SLC39A5: variants seen among roughly 807,000 people sequenced by gnomAD.
SLC39A5 encodes the protein zinc transporter ZIP5.
A neutral mutation model predicts 46.9 loss-of-function variants in SLC39A5; 42 were observed. The observed-to-expected ratio is 0.90, with a 90% CI of 0.70 to 1.16. The LOEUF is 1.16. Among genes scored for constraint, SLC39A5 ranks in the 50% most tolerant of loss-of-function variants. SLC39A5 has a pLI of 0.00. For missense variants in SLC39A5, 677 were observed against 686.8 expected (o/e 0.99, Z 0.16); for synonymous variants, 311 against 323.1 (o/e 0.96, Z 0.40).
In SLC39A5 at chr12:56,237,690, C is replaced by A; in HGVS notation, c.1582C>A (p.Leu528Met). The A allele has an allele frequency of 1.3e-6, 2 of 1,596,716 alleles. No individual in the cohort carries two copies. Among genetic ancestry groups the A allele is most frequent in the African/African-American group, 1.3e-5 (1 of 74,294 alleles). ...LGGGLMLAITLLEERLLPVTT... is the reference protein window; with the variant it reads ...LGGGLMLAITMLEERLLPVTT... ...GGGCGGCCTCATGCTTGCCATAACC[C>A]TGCTGGAGGAGCGGCTACTGCCCGT... Residue 528 changes from leucine to methionine, a missense_variant, in exon 13 of 13, where the codon CTG (leucine) becomes ATG (methionine). By Grantham distance (15) the Leu-to-Met change is conservative. Coordinates refer to ENST00000454355, the MANE Select transcript of SLC39A5 (RefSeq NM_173596.3).
In SLC39A5 at chr12:56,232,946, TTTTTG is replaced by T. The variant is rs914363592; in HGVS notation, c.471+89_471+93del. On this transcript the variant is annotated intron_variant, in intron 5 of 12. Transcript: ENST00000454355. ...CTGAAATGTTTAAATAATCAGTAGT[TTTTTG>T]TTTTGTTTTGTTTTTAAATCCCAAC... is the stretch of plus-strand genomic sequence containing the variant. 7.4e-6 allele frequency: 11 copies of T among 1,480,020 alleles called. No individual in the cohort carries two copies. In the East Asian group the frequency reaches 9.7e-5, roughly 13 times the overall value. 91.7% of individuals were successfully genotyped at this position (1,480,020 alleles called of 1,614,324 possible). A position where few individuals can be genotyped will look rare whatever the true frequency, so the allele number is the denominator to read the frequency against.
Position 56,235,255 on chromosome 12 carries a change from T to C in SLC39A5, c.733T>C (p.Leu245=). 1 of 1,578,178 alleles carries C rather than the reference T, an allele frequency of 6.3e-7. No individual in the cohort carries two copies. Among genetic ancestry groups the C allele is most frequent in the Non-Finnish European group, 8.6e-7 (1 of 1,164,930 alleles). Residue 245 remains leucine, a synonymous_variant, in exon 7 of 13, where the codon TTG becomes CTG. Coordinates refer to ENST00000454355, the MANE Select transcript of SLC39A5 (RefSeq NM_173596.3). ...CCTGGGACCTCGTCTACTACGGCCCTTGCTGGGCTTCCTGGGGGCCCTGGC... is the reference window on the plus strand; with the variant it reads ...CCTGGGACCTCGTCTACTACGGCCCCTGCTGGGCTTCCTGGGGGCCCTGGC... ...RLLGPRLLRP[L]LGFLGALAVG...
intron 5 of SLC39A5, among the ~76,000 whole-genome samples, chr12:56,234,582 T>G (rs1188724072): frequency 6.6e-6 from 1 of 152,138 alleles, no homozygotes; most frequent in Non-Finnish European, 1.5e-5. Context: ...CCCAAAGTGC[T>G]GGGATTACAG....
Position 56,236,500 on chromosome 12 carries a change from G to T in SLC39A5, c.1042+8G>T, listed in dbSNP as rs996843700. On this transcript the variant is annotated splice_region_variant and intron_variant, in intron 9 of 12. Coordinates refer to ENST00000454355, the MANE Select transcript of SLC39A5 (RefSeq NM_173596.3). Reference sequence around the variant, plus strand: ...CCCTACAGGCAGCTCCAGGTGACTAGAGGAGAAAATTTGAAGAGTAGGTTC... The same window carrying T: ...CCCTACAGGCAGCTCCAGGTGACTATAGGAGAAAATTTGAAGAGTAGGTTC... 3.1e-6 allele frequency: 5 copies of T among 1,614,114 alleles called. No individual in the cohort carries two copies. The Admixed American group carries it at 8.3e-5, about 27-fold the overall frequency.
intron 2 of SLC39A5, 97 bp from the exon 3 acceptor site, chr12:56,230,733 GA>G (rs931501443): frequency 2.6e-5 from 4 of 152,830 alleles, no homozygotes; most frequent in African/African-American, 9.6e-5. Flanking sequence ...GGTGGGCTAG[GA>G]GGGGGTGCAT....
chr12:56,235,686 C>G lies in SLC39A5; in HGVS notation c.931C>G (p.Arg311Gly). The G allele has an allele frequency of 1.2e-6, 2 of 1,614,008 alleles. No individual in the cohort carries two copies. The highest frequency in any genetic ancestry group is 1.7e-6 in the Non-Finnish European group (2 of 1,180,016). ...GAACATGCTGGGGCTTTTGCGGCAC[C>G]GAGGGCTCAGGCCAGTGAGTGATAC... ...LENMLGLLRH[R>G]GLRPRCCRRK... Residue 311 changes from arginine (R) to glycine (G), a missense_variant, in exon 8 of 13, where the codon CGA (arginine) becomes GGA (glycine). By Grantham distance (125) the Arg-to-Gly change is moderately radical. Transcript: ENST00000454355.
At chr12:56,235,423 C>T in intron 7 of SLC39A5, 97 bp downstream of exon 7, 1 of 1,507,202 alleles carries the variant, frequency 6.6e-7, no homozygotes, top group Non-Finnish European at 8.8e-7. Flanking sequence ...GCTCCCATAT[C>T]CTACTCCCAG....
rs767837807 is a variant in SLC39A5, at chr12:56,234,927, T to A, written c.575T>A (p.Ile192Asn). ...CTGTGCCCAGCCCTGCTTTATCAGA[T>A]CGACAGCCGCGTCTGCATCGGCGCT... The part of the protein sequence containing the change: ...ALLCPALLYQ[I>N]DSRVCIGAPA... Residue 192 changes from isoleucine (I) to asparagine (N), a missense_variant, in exon 6 of 13, where the codon ATC becomes AAC. Transcript: ENST00000454355. The A allele has an allele frequency of 2.5e-6, 4 of 1,613,706 alleles. No homozygotes were observed. Among genetic ancestry groups the A allele is most frequent in the Non-Finnish European group, 3.4e-6 (4 of 1,179,996 alleles).
Position 56,235,266 on chromosome 12 carries a change from C to T in SLC39A5, c.744C>T (p.Phe248=). The part of the protein sequence containing the change: ...GPRLLRPLLG[F]LGALAVGTLC... ...GTCTACTACGGCCCTTGCTGGGCTTCCTGGGGGCCCTGGCGGTGGGCACTC... is the reference window on the plus strand; with the variant it reads ...GTCTACTACGGCCCTTGCTGGGCTTTCTGGGGGCCCTGGCGGTGGGCACTC... The change falls in exon 7 of 13, where the codon TTC becomes TTT. Residue 248 remains phenylalanine, a synonymous_variant. Transcript: ENST00000454355. 1.3e-6 allele frequency: 2 copies of T among 1,565,986 alleles called. No individual in the cohort carries two copies. Among genetic ancestry groups the T allele is most frequent in the Non-Finnish European group, 1.7e-6 (2 of 1,160,842 alleles).
chr12:56,236,340 C>T, intron 8 of SLC39A5, 56 bp from the exon 9 acceptor site: 3 of 1,536,012 alleles, frequency 2.0e-6, no homozygotes, highest in Non-Finnish European at 2.7e-6. Context: ...CCTGGCTTCC[C>T]CTTAGTCCCT....
At chr12:56,232,209 A>G (rs1592373910) in intron 4 of SLC39A5, among the ~76,000 whole-genome samples, 1 of 122,198 alleles carries the variant, frequency 8.2e-6, no homozygotes, top group Non-Finnish European at 1.6e-5. Flanking sequence ...TCTGTCGCCC[A>G]GGCTGGAGTG....
rs761841382 is a variant in SLC39A5, at chr12:56,235,517, G to A, written c.805-43G>A. 3.1e-6 allele frequency: 5 copies of A among 1,603,434 alleles called. No individual in the cohort carries two copies. The Admixed American group carries it at 7.0e-5, about 22-fold the overall frequency. The stretch of plus-strand genomic sequence containing the variant: ...AATCCATGCAAGGGGATGTTGTTGG[G>A]TATAGGGGCTTCCAGAGTCTGCCCT... On this transcript the variant is annotated intron_variant, in intron 7 of 12. Transcript: ENST00000454355.
At chr12:56,234,655 T>G (rs900562697) in intron 5 of SLC39A5, among the ~76,000 whole-genome samples, 169 bp from the exon 6 acceptor site, 20 of 152,090 alleles carry the variant, frequency 1.3e-4, no homozygotes, top group African/African-American at 4.8e-4. Flanking sequence ...GAGACAGGGT[T>G]TCACTATGTT....
chr12:56,237,277 C>T lies in SLC39A5; in HGVS notation c.1416C>T (p.Pro472=). Residue 472 remains proline, a synonymous_variant, in exon 12 of 13, where the codon CCC becomes CCT. Coordinates refer to ENST00000454355, the MANE Select transcript of SLC39A5 (RefSeq NM_173596.3). ...TGGGGCTCAGCCTGGGCCCTGTCCC[C>T]CTCACTCCCTGGGTGTTTGGGGTCA... The part of the protein sequence containing the change: ...LGVGLSLGPV[P]LTPWVFGVTA... The T allele has an allele frequency of 6.2e-7, 1 of 1,613,450 alleles. No individual in the cohort carries two copies. The highest frequency in any genetic ancestry group is 1.3e-5 in the African/African-American group (1 of 74,998).
At position 56,234,877 on chromosome 12, in the gene SLC39A5, T is replaced by C. The variant is rs1461215138; in HGVS notation, c.525T>C (p.Pro175=). ...ATTTTGGCTTGAGCCCCGCTGCTCC[T>C]CTGACCCCTCGTCAGTTTGCTCTGC... ...LVNFGLSPAA[P]LTPRQFALLC... The change falls in exon 6 of 13, where the codon CCT becomes CCC. Residue 175 remains proline, a synonymous_variant. Transcript: ENST00000454355. 4 of 1,613,770 alleles carry C rather than the reference T, an allele frequency of 2.5e-6. No homozygotes were observed. Among genetic ancestry groups the C allele is most frequent in the Non-Finnish European group, 3.4e-6 (4 of 1,180,030 alleles).
chr12:56,230,197 C>T (rs1270353194), intron 1 of SLC39A5, 43 bp from the exon 2 acceptor site: 3 of 152,802 alleles, frequency 2.0e-5, no homozygotes, highest in African/African-American at 7.2e-5. Context: ...CCAGGTCAGA[C>T]ATCAGAGGAG....
At position 56,236,957 on chromosome 12, in the gene SLC39A5, A is replaced by G; in HGVS notation, c.1234A>G (p.Ser412Gly). Reference sequence around the variant, plus strand: ...TGCTGCCTTCTCTGATGGCTTCTCCAGCGGCCTCAGTACCACCTTAGCGGT... The same window carrying G: ...TGCTGCCTTCTCTGATGGCTTCTCCGGCGGCCTCAGTACCACCTTAGCGGT... ...IGAAFSDGFSSGLSTTLAVFC... is the reference protein window; with the variant it reads ...IGAAFSDGFSGGLSTTLAVFC... The change falls in exon 11 of 13, where the codon AGC becomes GGC. Residue 412 changes from serine to glycine, a missense_variant. Coordinates refer to ENST00000454355, the MANE Select transcript of SLC39A5 (RefSeq NM_173596.3). The G allele has an allele frequency of 1.2e-6, 2 of 1,614,104 alleles. No homozygotes were observed.
In SLC39A5 at chr12:56,237,031, G is replaced by T; in HGVS notation, c.1288+20G>T. On this transcript the variant is annotated intron_variant, in intron 11 of 12. Coordinates refer to ENST00000454355, the MANE Select transcript of SLC39A5 (RefSeq NM_173596.3). ...AACTGGGTAGGAATGGCAGGAGCAG[G>T]GTGGGGTGGACTCCAGAAAGGAGAT... 1 of 1,613,988 alleles carries T rather than the reference G, an allele frequency of 6.2e-7. No homozygotes were observed. The highest frequency in any genetic ancestry group is 8.5e-7 in the Non-Finnish European group (1 of 1,179,912).
Position 56,231,249 on chromosome 12 carries a change from G to T in SLC39A5, c.-26G>T. 1 of 1,561,170 alleles carries T rather than the reference G, an allele frequency of 6.4e-7. No individual in the cohort carries two copies. Among genetic ancestry groups the T allele is most frequent in the East Asian group, 2.3e-5 (1 of 44,320 alleles). On this transcript the variant is annotated 5_prime_UTR_variant, in exon 4 of 13. Coordinates refer to ENST00000454355, the MANE Select transcript of SLC39A5 (RefSeq NM_173596.3). ...TCGGGGAGAATAGGAGCCAGAACCT[G>T]AGCCCCTAAGCTATTCCCCTCACCA...
Sources: gnomAD v4.1 joint callset for allele counts (sites outside exome capture counted in the v4.1 genomes callset) on GRCh38, gnomAD v4.1.1 for gene constraint, MANE v1.5 for transcripts, NCBI Gene and HGNC (gene_info 2026-07-23, HGNC 2026-07-21) for gene names.